Variants in CCDC7 observed in about 807,000 individuals in gnomAD.
The protein encoded by CCDC7 is coiled-coil domain-containing protein 7.
A neutral mutation model predicts 196.9 loss-of-function variants in CCDC7; 183 were observed. The observed-to-expected ratio is 0.93, with a 90% confidence interval of 0.82 to 1.05. The LOEUF is 1.05. CCDC7 is among the 50% of genes least tolerant of loss of function. CCDC7 has a pLI of 0.00. For missense variants in CCDC7, 1,540 were observed against 1,482.2 expected (o/e 1.04, Z -0.64); for synonymous variants, 525 against 484.6 (o/e 1.08, Z -1.10).
At chr10:32,644,985 A>G (rs1463849668) in intron 20 of CCDC7, among the ~76,000 whole-genome samples, 2 of 152,212 alleles carry the variant, frequency 1.3e-5, no homozygotes, top group African/African-American at 2.4e-5. Context: ...GTATTTCTTT[A>G]TTAGCAATGT....
intron 21 of CCDC7, among the ~76,000 whole-genome samples, chr10:32,668,510 C>G (rs1591369776): frequency 6.6e-6 from 1 of 152,134 alleles, no homozygotes; most frequent in Non-Finnish European, 1.5e-5. Context: ...GTGGATTTGT[C>G]ATAGATAGCT....
intron 13 of CCDC7, among the ~76,000 whole-genome samples, chr10:32,546,789 C>T (rs983382065): frequency 3.9e-5 from 6 of 152,198 alleles, no homozygotes; most frequent in African/African-American, 7.2e-5. Flanking sequence ...AACTTATGCT[C>T]ACCAGGCTAT....
intron 25 of CCDC7, among the ~76,000 whole-genome samples, chr10:32,719,479 A>T (rs2082085693): frequency 6.6e-6 from 1 of 152,198 alleles, no homozygotes; most frequent in African/African-American, 2.4e-5. Flanking sequence ...AGACTTCATG[A>T]CTAAACACCA....
rs537004558 is a variant in CCDC7 at position 32,712,029 on chromosome 10, T to C, written c.2569+299T>C. Reference sequence around the variant, plus strand: ...CCTCTCATCTGCTGCTGGCCATTTATGGGCACCTCTGATCTGTTGTAGTCC... The same window carrying C: ...CCTCTCATCTGCTGCTGGCCATTTACGGGCACCTCTGATCTGTTGTAGTCC... On this transcript the variant is annotated intron_variant, in intron 25 of 41. Coordinates refer to ENST00000639629, the Ensembl canonical transcript of CCDC7. 2.6e-5 allele frequency among the ~76,000 whole-genome samples: 4 copies of C among 152,272 alleles called. No homozygotes were observed. The East Asian group carries it at 7.7e-4, about 29-fold the overall frequency.
intron 28 of CCDC7, among the ~76,000 whole-genome samples, chr10:32,756,479 A>G (rs954573645): frequency 2.5e-4 from 38 of 152,222 alleles, no homozygotes; most frequent in Non-Finnish European, 4.1e-4. Context: ...TTTTCAACCC[A>G]GAATTTCATA....
intron 28 of CCDC7, among the ~76,000 whole-genome samples, chr10:32,737,222 A>G (rs2085011937): frequency 6.6e-6 from 1 of 152,164 alleles, no homozygotes; most frequent in African/African-American, 2.4e-5. Context: ...TGGTTGTGGC[A>G]TATAATTCTT....
intron 11 of CCDC7, among the ~76,000 whole-genome samples, chr10:32,522,962 A>G (rs947680855): frequency 7.2e-5 from 11 of 152,024 alleles, no homozygotes; most frequent in African/African-American, 2.4e-4. Flanking sequence ...ATGTGTTTGC[A>G]TAGTTTCCAA....
intron 28 of CCDC7, among the ~76,000 whole-genome samples, chr10:32,763,197 G>T (rs985002148): frequency 2.6e-5 from 4 of 151,750 alleles, no homozygotes; most frequent in African/African-American, 9.7e-5. Context: ...GACAAAAATG[G>T]GCAAAGAACC....
At chr10:32,740,849 C>G (rs1037488120) in intron 28 of CCDC7, among the ~76,000 whole-genome samples, 1 of 151,842 alleles carries the variant, frequency 6.6e-6, no homozygotes, top group Non-Finnish European at 1.5e-5. Context: ...TTTAAAGTAA[C>G]CTTTTTTATC....
At chr10:32,830,136 A>ATATATATATATATATC (rs2091989084) in intron 32 of CCDC7, among the ~76,000 whole-genome samples, 1 of 118,226 alleles carries the variant, frequency 8.5e-6, no homozygotes, top group African/African-American at 2.7e-5. Context: ...ATATATATAT[A>ATATATATATATATATC]TATATCCTAT....
At chr10:32,858,690 G>A (rs9417085) in intron 41 of CCDC7, among the ~76,000 whole-genome samples, 52,128 of 151,812 alleles carry the variant, frequency 0.34, 11,322 homozygotes, top group Non-Finnish European at 0.49. Flanking sequence ...ACATAACAGA[G>A]GCCATTTATG....
rs181868218 is a variant in CCDC7 at position 32,729,010 on chromosome 10, A to G, written c.2779+13A>G. On this transcript the variant is annotated intron_variant, in intron 27 of 41. Coordinates refer to ENST00000639629, the Ensembl canonical transcript of CCDC7. ...GAAAGACACAAGAGTGAGTATAATAATTATCGATAACTTTAAATTATTTTA... is the reference window on the plus strand; with the variant it reads ...GAAAGACACAAGAGTGAGTATAATAGTTATCGATAACTTTAAATTATTTTA... 17 of 1,492,420 alleles carry G rather than the reference A, an allele frequency of 1.1e-5. No individual in the cohort carries two copies. The highest frequency in any genetic ancestry group is 1.6e-5 in the Non-Finnish European group (17 of 1,076,818). The allele number at this position is 1,492,420 out of a possible 1,614,324, so 92.4% of individuals were successfully genotyped here.
intron 29 of CCDC7, among the ~76,000 whole-genome samples, chr10:32,782,670 A>G (rs898686890): frequency 2.4e-4 from 36 of 152,258 alleles, no homozygotes; most frequent in African/African-American, 8.7e-4. Flanking sequence ...TCATAGGAAT[A>G]CAAGGGACCA....
intron 28 of CCDC7, among the ~76,000 whole-genome samples, chr10:32,735,473 A>G (rs1243526363): frequency 1.3e-5 from 2 of 152,148 alleles, no homozygotes; most frequent in Non-Finnish European, 1.5e-5. Flanking sequence ...TTAATGACAT[A>G]TATGTTGAAC....
At chr10:32,570,902 G>A (rs768942122) in intron 15 of CCDC7, among the ~76,000 whole-genome samples, 8 of 151,710 alleles carry the variant, frequency 5.3e-5, no homozygotes, top group Non-Finnish European at 8.8e-5. Context: ...TGAAAATCAG[G>A]TCCAGAATAA....
intron 21 of CCDC7, among the ~76,000 whole-genome samples, chr10:32,681,397 G>A (rs755510888): frequency 3.9e-5 from 6 of 152,080 alleles, no homozygotes; most frequent in Non-Finnish European, 8.8e-5. Flanking sequence ...CAGACGCACT[G>A]ACTGAACAAT....
intron 29 of CCDC7, among the ~76,000 whole-genome samples, chr10:32,784,111 A>ACATTT (rs995210666): frequency 6.6e-6 from 1 of 152,242 alleles, no homozygotes; most frequent in African/African-American, 2.4e-5. Flanking sequence ...AATTAATCAT[A>ACATTT]CATTTAAAAT....
At chr10:32,624,816 C>A (rs12098616) in intron 18 of CCDC7, among the ~76,000 whole-genome samples, 2 of 151,844 alleles carry the variant, frequency 1.3e-5, no homozygotes, top group African/African-American at 4.8e-5. Context: ...ATGAAAAAGT[C>A]TATTTTGGTC....
At chr10:32,748,295 A>G (rs2075130466) in intron 28 of CCDC7, among the ~76,000 whole-genome samples, 1 of 151,980 alleles carries the variant, frequency 6.6e-6, no homozygotes, top group Admixed American at 6.6e-5. Flanking sequence ...TAATTTGTAC[A>G]CCTAACTCCC....
Sources: allele counts gnomAD v4.1 joint callset (sites outside exome capture counted in the v4.1 genomes callset), GRCh38; gene constraint gnomAD v4.1.1; transcripts MANE v1.5; gene names NCBI Gene and HGNC (gene_info 2026-07-23, HGNC 2026-07-21).